Variants in FHIT observed in about 807,000 individuals in gnomAD.
FHIT encodes the protein bis(5'-adenosyl)-triphosphatase.
In FHIT, 19 loss-of-function variants were observed where a neutral mutation model predicts 17.9. The ratio of observed to expected loss-of-function variants is 1.06; its 90% CI spans 0.74 to 1.56. The LOEUF is 1.56. FHIT is among the 40% of genes most tolerant of loss of function. The probability of loss-of-function intolerance (pLI) is 0.00; values close to 1 mark genes in which losing one functional copy is unlikely to be tolerated. For missense variants in FHIT, 248 were observed against 189.2 expected (o/e 1.31, Z -1.82); for synonymous variants, 81 against 69.7 (o/e 1.16, Z -0.81).
intron 8 of FHIT, among the ~76,000 whole-genome samples, chr3:59,786,772 A>C (rs1280604820): frequency 6.6e-6 from 1 of 152,222 alleles, no homozygotes; most frequent in African/African-American, 2.4e-5. Context: ...AATTTTTACT[A>C]ATACAGTCTC....
chr3:60,389,321 G>T (rs1559875431), intron 5 of FHIT, among the ~76,000 whole-genome samples: 1 of 152,084 alleles, frequency 6.6e-6, no homozygotes, highest in Non-Finnish European at 1.5e-5. Context: ...TGATATTTAT[G>T]GCAAGTTTTA....
chr3:60,053,237 GT>G (rs1701953767), intron 5 of FHIT, among the ~76,000 whole-genome samples: 1 of 151,622 alleles, frequency 6.6e-6, no homozygotes, highest in Admixed American at 6.6e-5. Context: ...ACCACCTAAA[GT>G]AGGCTATCCC....
chr3:60,738,521 TG>T, intron 4 of FHIT, among the ~76,000 whole-genome samples: 1 of 152,224 alleles, frequency 6.6e-6, no homozygotes, highest in East Asian at 1.9e-4. Context: ...CAGAAGGACC[TG>T]CTTTACCGTG....
chr3:60,310,998 T>C (rs950584504), intron 5 of FHIT, among the ~76,000 whole-genome samples: 2 of 152,188 alleles, frequency 1.3e-5, no homozygotes, highest in Non-Finnish European at 2.9e-5. Flanking sequence ...TCCACCCCAG[T>C]ACAGTTACTA....
chr3:60,602,113 A>G (rs2038463144), intron 4 of FHIT, among the ~76,000 whole-genome samples: 1 of 152,344 alleles, frequency 6.6e-6, no homozygotes, highest in Admixed American at 6.5e-5. Context: ...CCGTAAAAAG[A>G]AAAATTCTCA....
chr3:60,992,347 A>G (rs977062171), intron 3 of FHIT, among the ~76,000 whole-genome samples: 1 of 152,234 alleles, frequency 6.6e-6, no homozygotes, highest in Non-Finnish European at 1.5e-5. Context: ...ATCAAACCAT[A>G]TACTTAAATT....
At chr3:60,719,640 G>T (rs1553707589) in intron 4 of FHIT, among the ~76,000 whole-genome samples, 1 of 152,134 alleles carries the variant, frequency 6.6e-6, no homozygotes, top group Non-Finnish European at 1.5e-5. Context: ...AGAAATTCAG[G>T]CTCCATTGAA....
chr3:60,096,190 C>T (rs566699939), intron 5 of FHIT, among the ~76,000 whole-genome samples: 109 of 152,078 alleles, frequency 7.2e-4, no homozygotes, highest in Non-Finnish European at 1.0e-3. Context: ...TGTCCTGCGC[C>T]CCAGCAGAAT....
intron 5 of FHIT, among the ~76,000 whole-genome samples, chr3:60,253,781 G>A (rs1040998036): frequency 7.2e-5 from 11 of 152,252 alleles, no homozygotes; most frequent in African/African-American, 2.6e-4. Flanking sequence ...AGCAGCACTG[G>A]AAAAACTAAT....
chr3:59,937,503 G>C (rs1432421714), intron 7 of FHIT, among the ~76,000 whole-genome samples: 1 of 152,164 alleles, frequency 6.6e-6, no homozygotes, highest in African/African-American at 2.4e-5. Context: ...TAGAAGTTGT[G>C]TTTCTTTAGT....
At chr3:60,340,379 G>A (rs1279750401) in intron 5 of FHIT, among the ~76,000 whole-genome samples, 1 of 152,164 alleles carries the variant, frequency 6.6e-6, no homozygotes, top group Non-Finnish European at 1.5e-5. Flanking sequence ...TTAGAAGTAA[G>A]TGGTACATTG....
chr3:60,316,541 C>T (rs1244801793), intron 5 of FHIT, among the ~76,000 whole-genome samples: 3 of 152,162 alleles, frequency 2.0e-5, no homozygotes, highest in Non-Finnish European at 4.4e-5. Flanking sequence ...CACTATTTCT[C>T]AATCAGTATG....
At chr3:60,378,512 T>C (rs1429369481) in intron 5 of FHIT, among the ~76,000 whole-genome samples, 1 of 152,060 alleles carries the variant, frequency 6.6e-6, no homozygotes, top group Admixed American at 6.5e-5. Context: ...AAATTAATCA[T>C]TTGGAGGTTG....
At chr3:61,197,067 T>C (rs1027808507) in intron 2 of FHIT, among the ~76,000 whole-genome samples, 4 of 152,160 alleles carry the variant, frequency 2.6e-5, no homozygotes, top group African/African-American at 4.8e-5. Context: ...GTTGTTGCTG[T>C]TGTCGTTGTT....
At chr3:60,958,392 T>G (rs1709268879) in intron 3 of FHIT, among the ~76,000 whole-genome samples, 1 of 152,192 alleles carries the variant, frequency 6.6e-6, no homozygotes, top group Non-Finnish European at 1.5e-5. Flanking sequence ...TTGGCAAATT[T>G]CCCTAGCACT....
chr3:60,151,796 A>T (rs1048541419), intron 5 of FHIT, among the ~76,000 whole-genome samples: 10 of 152,106 alleles, frequency 6.6e-5, no homozygotes, highest in African/African-American at 2.4e-4. Flanking sequence ...CACCAATCTC[A>T]TATCTTCAAA....
chr3:59,856,724 C>A (rs1702172246), intron 8 of FHIT, among the ~76,000 whole-genome samples: 1 of 151,946 alleles, frequency 6.6e-6, no homozygotes, highest in African/African-American at 2.4e-5. Context: ...TCCTTCTTTG[C>A]AAAATGGCTT....
chr3:60,688,717 C>T (rs1325204604), intron 4 of FHIT, among the ~76,000 whole-genome samples: 1 of 152,102 alleles, frequency 6.6e-6, no homozygotes, highest in South Asian at 2.1e-4. Context: ...CAGGTGTAAG[C>T]CCCTGTGTCC....
intron 8 of FHIT, among the ~76,000 whole-genome samples, chr3:59,779,883 GAGA>G (rs1476488701): frequency 6.6e-6 from 1 of 152,228 alleles, no homozygotes; most frequent in Non-Finnish European, 1.5e-5. Context: ...CCCATGAGAG[GAGA>G]AGGATTCTAA....
Sources: allele counts gnomAD v4.1 joint callset (sites outside exome capture counted in the v4.1 genomes callset), GRCh38; gene constraint gnomAD v4.1.1; transcripts MANE v1.5; gene names NCBI Gene and HGNC (gene_info 2026-07-23, HGNC 2026-07-21).